PHACTR2: variants seen among roughly 807,000 people sequenced by gnomAD.
PHACTR2 encodes chromosome 6 open reading frame 56.
A neutral mutation model predicts 76.0 loss-of-function variants in PHACTR2; 30 were observed. The ratio of observed to expected loss-of-function variants is 0.39; its 90% CI spans 0.30 to 0.54. The LOEUF (loss-of-function observed/expected upper bound fraction) is 0.54, where lower values mean the gene tolerates loss of function less well. Among genes scored for constraint, PHACTR2 ranks in the 20% least tolerant of loss-of-function variants. The pLI is 0.61. For synonymous variants in PHACTR2, 292 were observed against 292.5 expected (o/e 1.00, Z 0.02); for missense variants, 696 against 781.1 (o/e 0.89, Z 1.30).
rs1775701773 is a variant in PHACTR2, at chr6:143,592,427, C to G, written c.217+55220C>G. On this transcript the variant is annotated intron_variant, in intron 1 of 11. Coordinates refer to the PHACTR2 transcript ENST00000367584. This position sits in a 1 kb window ranked among gnomAD's most constrained non-coding sequence, Gnocchi z 4.0. ...AGAAGAGGTAGGGAACCCCAATTAACTGAGATTTTTCCATCCAAAGCCTTG... is the reference window on the plus strand; with the variant it reads ...AGAAGAGGTAGGGAACCCCAATTAAGTGAGATTTTTCCATCCAAAGCCTTG... Among the ~76,000 whole-genome samples the G allele has an allele frequency of 6.6e-6, 1 of 152,102 alleles. No homozygotes were observed. The highest frequency in any genetic ancestry group is 2.4e-5 in the African/African-American group (1 of 41,408).
rs981928734 is a variant in PHACTR2, at chr6:143,700,087, C to T, written c.47-11929C>T. ...AGGAGGCTCTTGGACATAGAGAGAA[C>T]GTTAGTCACATTATATATATTCTCT... On this transcript the variant is annotated intron_variant, in intron 1 of 12. Coordinates refer to ENST00000440869, the MANE Select transcript of PHACTR2 (RefSeq NM_001100164.2). The surrounding 1 kb of genome is among the most constrained non-coding windows in gnomAD (Gnocchi z 4.1). Among the ~76,000 whole-genome samples the T allele has an allele frequency of 5.3e-5, 8 of 152,160 alleles. No individual in the cohort carries two copies. Among genetic ancestry groups the T allele is most frequent in the South Asian group, 2.1e-4 (1 of 4,830 alleles).
intron 2 of PHACTR2, among the ~76,000 whole-genome samples, chr6:143,713,142 T>A (rs1334531427): frequency 6.6e-6 from 1 of 152,226 alleles, no homozygotes; most frequent in Non-Finnish European, 1.5e-5. Flanking sequence ...CAGAGTTTTG[T>A]TCTAGAGCTG....
At chr6:143,797,600 G>A (rs1359118895) in intron 11 of PHACTR2, among the ~76,000 whole-genome samples, 1 of 152,182 alleles carries the variant, frequency 6.6e-6, no homozygotes, top group Non-Finnish European at 1.5e-5. Flanking sequence ...TAAGGTGTAA[G>A]GAAGGGGTCC....
rs969164417 is a variant in PHACTR2, at chr6:143,619,149, T to C, written c.13+10827T>C. ...ATCACTTGTGCAATTAAAATCTTCC[T>C]GCCTGTCTGTCTGTCCATCCATCCA... On this transcript the variant is annotated intron_variant, in intron 1 of 11. Coordinates refer to the PHACTR2 transcript ENST00000305766. This position sits in a 1 kb window ranked among gnomAD's most constrained non-coding sequence, Gnocchi z 4.5. 8.9e-5 allele frequency among the ~76,000 whole-genome samples: 11 copies of C among 123,806 alleles called. No individual in the cohort carries two copies. The highest frequency in any genetic ancestry group is 2.0e-4 in the East Asian group (1 of 5,128). The allele number at this position is 123,806 out of a possible 152,430, so 81.2% of individuals were successfully genotyped here. A position where few individuals can be genotyped will look rare whatever the true frequency, so the allele number is the denominator to read the frequency against.
intron 1 of PHACTR2, among the ~76,000 whole-genome samples, chr6:143,705,381 G>T (rs1460156996): frequency 6.9e-6 from 1 of 144,296 alleles, no homozygotes; most frequent in Non-Finnish European, 1.5e-5. Flanking sequence ...TGCAAGCTCT[G>T]CCTCCCGGGT....
chr6:143,692,289 C>T (rs1777662796), intron 1 of PHACTR2, among the ~76,000 whole-genome samples: 1 of 152,174 alleles, frequency 6.6e-6, no homozygotes. Context: ...AAAATTTCTT[C>T]TGCATCTGTA....
At chr6:143,567,536 C>G (rs1025436230) in intron 1 of PHACTR2, among the ~76,000 whole-genome samples, 6 of 152,192 alleles carry the variant, frequency 3.9e-5, no homozygotes, top group Admixed American at 6.5e-5. Context: ...GTAGCTGGAA[C>G]TACAGGCACA....
chr6:143,744,574 G>A (rs1779013461), intron 2 of PHACTR2, among the ~76,000 whole-genome samples: 1 of 150,226 alleles, frequency 6.7e-6, no homozygotes, highest in African/African-American at 2.5e-5. Flanking sequence ...GAGACTTGTG[G>A]GACAGGATGG....
Position 143,618,950 on chromosome 6 carries a change from GT to G in PHACTR2, c.13+10629del, listed in dbSNP as rs1248250555. On this transcript the variant is annotated intron_variant, in intron 1 of 11. Transcript: ENST00000305766. The surrounding 1 kb of genome is among the most constrained non-coding windows in gnomAD (Gnocchi z 5.2). ...AAGTACTGTACCTGGCAGAGGAGGT[GT>G]GTTCCATAAGCAGGCAAATGAATAC... 6.6e-6 allele frequency among the ~76,000 whole-genome samples: 1 copy of G among 152,154 alleles called. No individual in the cohort carries two copies. The highest frequency in any genetic ancestry group is 2.4e-5 in the African/African-American group (1 of 41,434).
chr6:143,637,215 T>C (rs1305799898), intron 1 of PHACTR2, among the ~76,000 whole-genome samples: 2 of 152,144 alleles, frequency 1.3e-5, no homozygotes, highest in Non-Finnish European at 2.9e-5. Context: ...TTGTTTTTGC[T>C]CTAACCTCAA....
chr6:143,776,741 G>A lies in PHACTR2; in HGVS notation c.1590-587G>A, dbSNP rs1274785481. ...TAAAATAGGATGCTGTGCCTGGCCA[G>A]GTAATCTTAATATTACTGTCACATG... On this transcript the variant is annotated intron_variant, in intron 8 of 12. Coordinates refer to ENST00000440869, the MANE Select transcript of PHACTR2 (RefSeq NM_001100164.2). The surrounding 1 kb of genome is among the most constrained non-coding windows in gnomAD (Gnocchi z 5.3). 6.6e-6 allele frequency among the ~76,000 whole-genome samples: 1 copy of A among 152,202 alleles called. No individual in the cohort carries two copies. Among genetic ancestry groups the A allele is most frequent in the Admixed American group, 6.5e-5 (1 of 15,278 alleles).
In PHACTR2 at chr6:143,795,425, T is replaced by C. The variant is rs74399834; in HGVS notation, c.1845+6515T>C. ...TGAGACCCTGTCTCTAAAACAAAAA[T>C]AAACAAAATAAAATTTTCAGTTTTA... On this transcript the variant is annotated intron_variant, in intron 11 of 12. Transcript: ENST00000440869. The surrounding 1 kb of genome is among the most constrained non-coding windows in gnomAD (Gnocchi z 4.8). Among the ~76,000 whole-genome samples the C allele has an allele frequency of 9.7e-3, 1,483 of 152,192 alleles. 22 individuals are homozygous for C. The highest frequency in any genetic ancestry group is 0.034 in the African/African-American group (1,402 of 41,512).
chr6:143,628,894 G>A (rs1582715050), intron 1 of PHACTR2, among the ~76,000 whole-genome samples: 1 of 132,608 alleles, frequency 7.5e-6, no homozygotes, highest in East Asian at 2.5e-4. Context: ...TCTGGCCAAT[G>A]GGAAAGAAGA....
chr6:143,736,203 GT>G (rs1364341575), intron 2 of PHACTR2, among the ~76,000 whole-genome samples: 1 of 152,082 alleles, frequency 6.6e-6, no homozygotes, highest in Non-Finnish European at 1.5e-5. Flanking sequence ...TGCTCAGCCT[GT>G]GATACTATTT....
intron 2 of PHACTR2, among the ~76,000 whole-genome samples, chr6:143,729,891 GC>G (rs1778662800): frequency 6.6e-6 from 1 of 151,978 alleles, no homozygotes; most frequent in Non-Finnish European, 1.5e-5. Context: ...TTCAGATCAT[GC>G]TTTTGGTGTC....
In PHACTR2 at chr6:143,777,863, A is replaced by G. The variant is rs1181059805; in HGVS notation, c.1645+480A>G. On this transcript the variant is annotated intron_variant, in intron 9 of 12. Transcript: ENST00000440869. The surrounding 1 kb of genome is among the most constrained non-coding windows in gnomAD (Gnocchi z 4.6). ...CATTGCATTTTCCTATGTTATGATA[A>G]CTCGGCTTCCTTCTTGAGTTGTTTA... Among the ~76,000 whole-genome samples the G allele has an allele frequency of 6.6e-6, 1 of 152,198 alleles. No homozygotes were observed. The highest frequency in any genetic ancestry group is 1.5e-5 in the Non-Finnish European group (1 of 68,040).
At chr6:143,786,911 A>AT (rs952034411) in intron 10 of PHACTR2, among the ~76,000 whole-genome samples, 59 of 151,574 alleles carry the variant, frequency 3.9e-4, no homozygotes, top group African/African-American at 1.2e-3. Flanking sequence ...AAACCATATC[A>AT]TTTTTTTTTC....
chr6:143,719,734 C>G (rs1778396817), intron 2 of PHACTR2, among the ~76,000 whole-genome samples: 1 of 150,920 alleles, frequency 6.6e-6, no homozygotes, highest in Admixed American at 6.6e-5. Flanking sequence ...TTTACTGTGT[C>G]AGGGAGAAGT....
rs1248789585 is a variant in PHACTR2 at position 143,826,366 on chromosome 6, A to T, written c.*2677A>T. On this transcript the variant is annotated 3_prime_UTR_variant, in exon 13 of 13. Transcript: ENST00000440869. ...AATCCAACCAGTAAGCATATGCTGT[A>T]TAGGAAAAATAAAAGTGTGTGGGAA... is the stretch of plus-strand genomic sequence containing the variant. The T allele has an allele frequency of 6.6e-6, 1 of 152,256 alleles. No individual in the cohort carries two copies. The highest frequency in any genetic ancestry group is 1.5e-5 in the Non-Finnish European group (1 of 68,044). 9.4% of individuals were successfully genotyped at this position (152,256 alleles called of 1,614,324 possible). A position where few individuals can be genotyped will look rare whatever the true frequency, so the allele number is the denominator to read the frequency against.
Sources: allele counts gnomAD v4.1 joint callset (sites outside exome capture counted in the v4.1 genomes callset), GRCh38; gene constraint gnomAD v4.1.1; non-coding constraint Gnocchi (gnomAD v3.1); transcripts MANE v1.5; gene names NCBI Gene and HGNC (gene_info 2026-07-23, HGNC 2026-07-21).